Variants in SEZ6L observed in about 807,000 individuals in gnomAD.
SEZ6L encodes the protein seizure related 6 homolog like, also known as seizure 6-like protein.
Under a neutral mutation model 106.2 loss-of-function variants are expected in SEZ6L, and 37 were observed. The observed-to-expected ratio is 0.35, with a 90% CI of 0.27 to 0.46. The LOEUF (loss-of-function observed/expected upper bound fraction) is 0.46. Among genes scored for constraint, SEZ6L ranks in the 20% least tolerant of loss-of-function variants. The pLI, the probability that SEZ6L is intolerant of heterozygous loss-of-function variation, is 1.00. For missense variants in SEZ6L, 1,172 were observed against 1,332.8 expected (o/e 0.88, Z 1.88); for synonymous variants, 541 against 570.4 (o/e 0.95, Z 0.73).
intron 12 of SEZ6L, among the ~76,000 whole-genome samples, chr22:26,353,422 A>G (rs1402349196): frequency 1.3e-5 from 2 of 152,216 alleles, no homozygotes; most frequent in African/African-American, 4.8e-5. Context: ...ACAAATAACA[A>G]GAATCATTGC....
chr22:26,195,759 A>G (rs1481657781), intron 1 of SEZ6L, among the ~76,000 whole-genome samples: 1 of 151,910 alleles, frequency 6.6e-6, no homozygotes, highest in Admixed American at 6.6e-5. Flanking sequence ...GTGTATATGT[A>G]TAGTGTGTAT....
intron 4 of SEZ6L, 115 bp from the exon 5 acceptor site, chr22:26,298,869 G>T (rs2081372147): frequency 1.5e-5 from 13 of 891,540 alleles, no homozygotes; most frequent in Non-Finnish European, 2.1e-5. Flanking sequence ...GAGCTCTGGA[G>T]TCCCCAGGGG....
chr22:26,330,994 T>C (rs2082462439), intron 9 of SEZ6L, among the ~76,000 whole-genome samples: 1 of 152,222 alleles, frequency 6.6e-6, no homozygotes, highest in East Asian at 1.9e-4. Flanking sequence ...CAAATGTTTG[T>C]TTAGAAAGGA....
At chr22:26,252,014 C>T (rs545113927) in intron 1 of SEZ6L, among the ~76,000 whole-genome samples, 105 of 152,200 alleles carry the variant, frequency 6.9e-4, no homozygotes, top group African/African-American at 2.4e-3. Context: ...CTGTGAATGG[C>T]GGCAGCAGGA....
chr22:26,224,828 A>G (rs987632371), intron 1 of SEZ6L, among the ~76,000 whole-genome samples: 11 of 152,200 alleles, frequency 7.2e-5, no homozygotes, highest in Admixed American at 3.9e-4. Context: ...TCAGTCAGCT[A>G]TTGCCACGAT....
chr22:26,326,637 AC>A (rs2082313015), intron 9 of SEZ6L, among the ~76,000 whole-genome samples: 2 of 152,006 alleles, frequency 1.3e-5, no homozygotes, highest in African/African-American at 4.8e-5. Flanking sequence ...CCAGCCTCAC[AC>A]CCCTCATCAC....
Position 26,169,761 on chromosome 22 carries a change from G to A in SEZ6L, c.92G>A (p.Arg31Gln), listed in dbSNP as rs1039462706. 4.8e-6 allele frequency: 6 copies of A among 1,249,492 alleles called. No homozygotes were observed. The highest frequency in any genetic ancestry group is 3.1e-4 in the Middle Eastern group (1 of 3,260). The allele number at this position is 1,249,492 out of a possible 1,614,324, so 77.4% of individuals were successfully genotyped here. A position where few individuals can be genotyped will look rare whatever the true frequency, so the allele number is the denominator to read the frequency against. The change falls in exon 1 of 17, where the codon CGA becomes CAA. Residue 31 changes from arginine (R) to glutamine (Q), a missense_variant and splice_region_variant. Arg to Gln is a conservative substitution (Grantham distance 43, BLOSUM62 1). Transcript: ENST00000248933. ...GGGAGCCCGGCGGCAGCGCTGGAGC[G>A]AGGTAAGCGCCCCGAGGGGCGGGGC... ...LLGSPAAALE[R>Q]DALPEGDASP...
intron 1 of SEZ6L, among the ~76,000 whole-genome samples, chr22:26,197,521 G>A (rs1602006230): frequency 1.3e-5 from 2 of 152,120 alleles, no homozygotes; most frequent in South Asian, 4.1e-4. Context: ...CAGACAGGAG[G>A]GGTCCTGGTA....
At chr22:26,294,519 T>C (rs989485137) in intron 3 of SEZ6L, 94 bp downstream of exon 3, 1 of 1,373,342 alleles carries the variant, frequency 7.3e-7, no homozygotes, top group African/African-American at 1.4e-5. Context: ...TGCTAACTAG[T>C]TTGGTTCTGT....
intron 12 of SEZ6L, among the ~76,000 whole-genome samples, chr22:26,353,497 T>A (rs576653338): frequency 6.6e-6 from 1 of 152,330 alleles, no homozygotes; most frequent in Non-Finnish European, 1.5e-5. Context: ...TATGTGTGTA[T>A]TTATACACAC....
At chr22:26,254,678 C>T (rs969493938) in intron 1 of SEZ6L, among the ~76,000 whole-genome samples, 71 of 152,248 alleles carry the variant, frequency 4.7e-4, no homozygotes, top group African/African-American at 1.7e-3. Context: ...TTGGTGAGTG[C>T]TCTACAGACA....
intron 3 of SEZ6L, 121 bp from the exon 4 acceptor site, chr22:26,296,767 T>G: frequency 1.3e-6 from 1 of 762,296 alleles, no homozygotes; most frequent in Non-Finnish European, 1.9e-6. Flanking sequence ...GGCCCAGGGG[T>G]CCCGTTGACC....
rs2084466135 is a variant in SEZ6L at position 26,383,237 on chromosome 22, AACAGCCCAG to A, written c.*2944_*2952del. 3 of 151,582 alleles carry A rather than the reference AACAGCCCAG, an allele frequency of 2.0e-5. No homozygotes were observed. The South Asian group carries it at 6.2e-4, about 32-fold the overall frequency. The allele number at this position is 151,582 out of a possible 1,614,324, so 9.4% of individuals were successfully genotyped here. ...AGGCTGATAGCTTTGAAGACTGCCA[AACAGCCCAG>A]AAGGAAGCAAAGCATCTGCATAATC... On this transcript the variant is annotated 3_prime_UTR_variant, in exon 17 of 17. Coordinates refer to ENST00000248933, the MANE Select transcript of SEZ6L (RefSeq NM_021115.5).
At chr22:26,346,592 G>A (rs1337394461) in intron 10 of SEZ6L, among the ~76,000 whole-genome samples, 1 of 152,168 alleles carries the variant, frequency 6.6e-6, no homozygotes, top group Non-Finnish European at 1.5e-5. Context: ...TGAGGCTCTG[G>A]TCAGGATGCC....
chr22:26,331,543 A>G (rs1289092794), intron 9 of SEZ6L, among the ~76,000 whole-genome samples: 1 of 152,206 alleles, frequency 6.6e-6, no homozygotes, highest in Non-Finnish European at 1.5e-5. Context: ...TATCTATCAA[A>G]ATTAAGCCAC....
intron 1 of SEZ6L, among the ~76,000 whole-genome samples, chr22:26,262,219 T>A (rs2080032155): frequency 6.8e-6 from 1 of 146,338 alleles, no homozygotes; most frequent in South Asian, 2.1e-4. Context: ...GATATATATA[T>A]GCACCTTTTA....
At chr22:26,292,174 A>C in intron 1 of SEZ6L, 1 of 454,850 alleles carries the variant, frequency 2.2e-6, no homozygotes, top group Non-Finnish European at 3.9e-6. Flanking sequence ...GGAGGAAGGA[A>C]AGAAGGAAGG....
rs956867328 is a variant in SEZ6L at position 26,282,651 on chromosome 22, A to T, written c.95-9755A>T. ...GGCACAGCTTCAGGTAGAAAGCGGC[A>T]TCTAGAGAAAGCTCGAGAGTACCTC... On this transcript the variant is annotated intron_variant, in intron 1 of 16. Transcript: ENST00000248933. 3.3e-5 allele frequency among the ~76,000 whole-genome samples: 5 copies of T among 152,342 alleles called. No individual in the cohort carries two copies. The East Asian group carries it at 7.7e-4, about 24-fold the overall frequency.
intron 9 of SEZ6L, among the ~76,000 whole-genome samples, chr22:26,330,761 C>A (rs926668778): frequency 6.6e-6 from 1 of 152,064 alleles, no homozygotes. Context: ...CCCGAAACTG[C>A]GTGTAAATTG....
Sources: gnomAD v4.1 joint callset for allele counts (sites outside exome capture counted in the v4.1 genomes callset) on GRCh38, gnomAD v4.1.1 for gene constraint, MANE v1.5 for transcripts, NCBI Gene and HGNC (gene_info 2026-07-23, HGNC 2026-07-21) for gene names.